EYA4: variants seen among roughly 807,000 people sequenced by gnomAD.
EYA4 encodes the protein protein phosphatase EYA4.
A neutral mutation model predicts 87.9 loss-of-function variants in EYA4; 31 were observed. The ratio of observed to expected loss-of-function variants is 0.35; its 90% confidence interval spans 0.27 to 0.48. The LOEUF (loss-of-function observed/expected upper bound fraction) is 0.48. EYA4 is among the 20% of genes least tolerant of loss of function. The pLI, the probability that EYA4 is intolerant of heterozygous loss-of-function variation, is 0.99. For missense variants in EYA4, 678 were observed against 761.4 expected, an observed-to-expected ratio of 0.89 and a Z score of 1.29; for synonymous variants, 263 against 270.6, an observed-to-expected ratio of 0.97 and a Z score of 0.28.
chr6:133,411,565 A>ATC (rs776511764), intron 3 of EYA4, among the ~76,000 whole-genome samples: 4 of 151,630 alleles, frequency 2.6e-5, no homozygotes, highest in South Asian at 2.1e-4. Flanking sequence ...CTGTCTATCT[A>ATC]TATATATATA....
intron 5 of EYA4, among the ~76,000 whole-genome samples, chr6:133,454,082 A>G (rs1291590787): frequency 1.3e-5 from 2 of 152,160 alleles, no homozygotes; most frequent in Non-Finnish European, 2.9e-5. Flanking sequence ...TAACAAAACT[A>G]ATCTTCATGT....
intron 1 of EYA4, among the ~76,000 whole-genome samples, chr6:133,260,841 C>A (rs189942560): frequency 6.6e-6 from 1 of 152,126 alleles, no homozygotes; most frequent in Non-Finnish European, 1.5e-5. Context: ...TTCTATCCCC[C>A]CTCCAATAAA....
intron 13 of EYA4, among the ~76,000 whole-genome samples, chr6:133,501,001 A>C (rs1232086352): frequency 6.6e-6 from 1 of 151,972 alleles, no homozygotes; most frequent in Non-Finnish European, 1.5e-5. Flanking sequence ...GCATTCTTAA[A>C]ATCCTTGTTT....
chr6:133,292,214 ACT>A (rs1683390287), intron 2 of EYA4, among the ~76,000 whole-genome samples: 1 of 152,186 alleles, frequency 6.6e-6, no homozygotes, highest in African/African-American at 2.4e-5. Flanking sequence ...GCACAAAATT[ACT>A]CTGCAAAAGT....
intron 2 of EYA4, among the ~76,000 whole-genome samples, chr6:133,353,750 C>T (rs1431838812): frequency 6.6e-6 from 1 of 152,156 alleles, no homozygotes; most frequent in Non-Finnish European, 1.5e-5. Context: ...CTAATTTTTA[C>T]ACTTGATTTA....
chr6:133,461,133 C>T lies in EYA4; in HGVS notation c.390C>T (p.Tyr130=), dbSNP rs200471957. Residue 130 remains tyrosine (Y), a synonymous_variant, in exon 7 of 20, where the codon TAC becomes TAT. Coordinates refer to ENST00000355286, the MANE Select transcript of EYA4 (RefSeq NM_004100.5). ...FTGSVITSSG[Y]SPRSAHQYSP... is the part of the protein sequence containing the mutation. ...TTACAGTAATTACAAGTAGTGGCTACAGCCCCAGATCAGCACATCAGTATT... is the reference window on the plus strand; with the variant it reads ...TTACAGTAATTACAAGTAGTGGCTATAGCCCCAGATCAGCACATCAGTATT... The T allele has an allele frequency of 6.2e-7, 1 of 1,612,026 alleles. No homozygotes were observed.
chr6:133,242,076 C>A (rs1773994035), intron 1 of EYA4, among the ~76,000 whole-genome samples: 1 of 152,228 alleles, frequency 6.6e-6, no homozygotes, highest in Admixed American at 6.5e-5. Flanking sequence ...CGGAGTTCAT[C>A]CAGCAGTCCA....
chr6:133,255,127 GT>G (rs1775234632), intron 1 of EYA4, among the ~76,000 whole-genome samples: 1 of 152,274 alleles, frequency 6.6e-6, no homozygotes, highest in East Asian at 1.9e-4. Flanking sequence ...AAGACATTTG[GT>G]TCAGTGCCTG....
At chr6:133,322,277 A>G (rs1022310461) in intron 2 of EYA4, among the ~76,000 whole-genome samples, 1 of 152,234 alleles carries the variant, frequency 6.6e-6, no homozygotes, top group African/African-American at 2.4e-5. Flanking sequence ...TGTAAGCCAG[A>G]GCTATTATAG....
intron 14 of EYA4, chr6:133,511,629 CT>C (rs1371070320): frequency 6.6e-6 from 1 of 151,936 alleles, no homozygotes; most frequent in Non-Finnish European, 1.5e-5. Flanking sequence ...GGATCAAATC[CT>C]TATCCACATA....
At chr6:133,383,437 G>C (rs188564558) in intron 3 of EYA4, among the ~76,000 whole-genome samples, 35 of 139,166 alleles carry the variant, frequency 2.5e-4, no homozygotes, top group African/African-American at 9.3e-4. Context: ...AGAATCACTT[G>C]AACCTGGGAG....
intron 2 of EYA4, among the ~76,000 whole-genome samples, chr6:133,278,475 T>G (rs187056178): frequency 3.9e-5 from 6 of 152,354 alleles, no homozygotes; most frequent in Admixed American, 3.9e-4. Context: ...CTCGTACTCT[T>G]ACTTCTTAGC....
At chr6:133,301,417 CTT>C (rs2128314521) in intron 2 of EYA4, among the ~76,000 whole-genome samples, 1 of 152,210 alleles carries the variant, frequency 6.6e-6, no homozygotes, top group African/African-American at 2.4e-5. Flanking sequence ...ACCAGTATGA[CTT>C]TTATGATTAT....
intron 14 of EYA4, chr6:133,506,403 T>C (rs1202963642): frequency 2.1e-6 from 1 of 469,968 alleles, no homozygotes. Flanking sequence ...AGAACAAAAA[T>C]GTCTCTGAAG....
At chr6:133,515,483 T>G (rs1448163010) in intron 17 of EYA4, 48 bp downstream of exon 17, 1 of 1,093,590 alleles carries the variant, frequency 9.1e-7, no homozygotes. Context: ...GAAGATTTAG[T>G]TCTAATTGTA....
chr6:133,407,880 T>G (rs1410553613), intron 3 of EYA4, among the ~76,000 whole-genome samples: 1 of 152,136 alleles, frequency 6.6e-6, no homozygotes, highest in Non-Finnish European at 1.5e-5. Flanking sequence ...AATGGTAGAG[T>G]GCCAGAGAAT....
intron 3 of EYA4, among the ~76,000 whole-genome samples, chr6:133,385,436 TGTGTGA>T (rs748821294): frequency 0.065 from 7,877 of 120,456 alleles, 291 homozygotes; most frequent in Non-Finnish European, 0.1. Flanking sequence ...TGTGTGTGTG[TGTGTGA>T]GAGAGAGAGA....
intron 13 of EYA4, among the ~76,000 whole-genome samples, chr6:133,495,036 A>G (rs957139166): frequency 2.0e-5 from 3 of 152,106 alleles, no homozygotes; most frequent in Non-Finnish European, 4.4e-5. Flanking sequence ...TGGGAGGCCG[A>G]AGTGGGCAGA....
At chr6:133,519,407 C>A (rs11489188) in intron 17 of EYA4, among the ~76,000 whole-genome samples, 34,616 of 149,528 alleles carry the variant, frequency 0.23, 5,873 homozygotes, top group African/African-American at 0.48. Flanking sequence ...GAAATGGATA[C>A]ATTCCTCGAC....
Sources: allele counts gnomAD v4.1 joint callset (sites outside exome capture counted in the v4.1 genomes callset), GRCh38; gene constraint gnomAD v4.1.1; transcripts MANE v1.5; gene names NCBI Gene and HGNC (gene_info 2026-07-23, HGNC 2026-07-21).